The following BFSP2 variants were observed in gnomAD, a reference collection of about 807,000 sequenced individuals.
BFSP2 encodes the protein phakinin.
In BFSP2, 38 loss-of-function variants were observed where a neutral mutation model predicts 44.9. That is an observed-to-expected ratio of 0.85 (90% CI 0.65 to 1.11). The LOEUF is 1.11. Among genes scored for constraint, BFSP2 ranks in the 50% least tolerant of loss-of-function variants. The pLI, the probability that BFSP2 is intolerant of heterozygous loss-of-function variation, is 0.00. For missense variants in BFSP2, 525 were observed against 533.0 expected, an observed-to-expected ratio of 0.99 and a Z score of 0.15; for synonymous variants, 197 against 209.9, an observed-to-expected ratio of 0.94 and a Z score of 0.53.
intron 1 of BFSP2, among the ~76,000 whole-genome samples, chr3:133,425,644 G>A (rs530500391): frequency 1.3e-5 from 2 of 151,974 alleles, no homozygotes; most frequent in East Asian, 2.0e-4. Flanking sequence ...TGCCCAGGTA[G>A]GGCCAAGCAC....
At chr3:133,444,108 A>G (rs1023192475) in intron 1 of BFSP2, among the ~76,000 whole-genome samples, 4 of 151,786 alleles carry the variant, frequency 2.6e-5, no homozygotes, top group Non-Finnish European at 5.9e-5. Flanking sequence ...ATATATGTAT[A>G]TATATACATA....
intron 4 of BFSP2, among the ~76,000 whole-genome samples, chr3:133,455,021 G>C (rs1195337277): frequency 6.6e-6 from 1 of 152,200 alleles, no homozygotes; most frequent in Non-Finnish European, 1.5e-5. Context: ...AAGGTCTTCA[G>C]GGGCAGTGAC....
chr3:133,427,582 C>A (rs1443306806), intron 1 of BFSP2, among the ~76,000 whole-genome samples: 2 of 152,194 alleles, frequency 1.3e-5, no homozygotes, highest in African/African-American at 4.8e-5. Flanking sequence ...GCTCCTCAGC[C>A]AGCTTGGGGT....
rs781313814 is a variant in BFSP2 at position 133,466,911 on chromosome 3, G to A, written c.975G>A (p.Ser325=). The change falls in exon 5 of 7, where the codon TCG becomes TCA. Residue 325 remains serine, a synonymous_variant. Transcript: ENST00000302334. The stretch of plus-strand genomic sequence containing the variant: ...TCAGGGTGGAGTTACACAACACTTC[G>A]TGCCAAGTCCAGAGCCTCCAGGCTG... The part of the protein sequence containing the change: ...AALRVELHNT[S]CQVQSLQAET... 8 of 1,613,936 alleles carry A rather than the reference G, an allele frequency of 5.0e-6. No homozygotes were observed. In the Admixed American group the frequency reaches 6.7e-5, roughly 13 times the overall value.
intron 1 of BFSP2, among the ~76,000 whole-genome samples, chr3:133,406,990 C>T (rs186025600): frequency 7.6e-4 from 116 of 152,322 alleles, no homozygotes; most frequent in Non-Finnish European, 1.1e-3. Context: ...AGAAGGATCA[C>T]TTGAGCCTGG....
chr3:133,474,661 G>A (rs944904598), intron 6 of BFSP2, among the ~76,000 whole-genome samples: 6 of 152,112 alleles, frequency 3.9e-5, no homozygotes, highest in Admixed American at 2.6e-4. Context: ...AAGAATCTAT[G>A]TGCTACGTTC....
At chr3:133,406,568 C>A (rs2073406748) in intron 1 of BFSP2, among the ~76,000 whole-genome samples, 1 of 147,072 alleles carries the variant, frequency 6.8e-6, no homozygotes, top group African/African-American at 2.7e-5. Context: ...TTGCCATCTA[C>A]CAACCGTGTG....
rs1384219506 is a variant in BFSP2, at chr3:133,472,464, G to C, written c.1143G>C (p.Ala381=). The change falls in exon 6 of 7, where the codon GCG becomes GCC. Residue 381 remains alanine, a synonymous_variant. Transcript: ENST00000302334. ...EAELREIRAE[A]EQQQQERAHL... is the part of the protein sequence containing the mutation. ...AGCTCAGGGAAATCCGAGCGGAGGC[G>C]GAGCAGCAGCAACAGGAGCGCGCGC... 12 of 1,613,890 alleles carry C rather than the reference G, an allele frequency of 7.4e-6. No individual in the cohort carries two copies. The African/African-American group carries it at 1.3e-4, about 18-fold the overall frequency.
chr3:133,433,677 C>T (rs1314366274), intron 1 of BFSP2, among the ~76,000 whole-genome samples: 2 of 152,340 alleles, frequency 1.3e-5, no homozygotes, highest in Admixed American at 6.5e-5. Context: ...CACCTCTATA[C>T]ATTCTGATAA....
chr3:133,457,151 C>G (rs1401831843), intron 4 of BFSP2, among the ~76,000 whole-genome samples: 5 of 152,204 alleles, frequency 3.3e-5, no homozygotes, highest in African/African-American at 4.8e-5. Context: ...AAGCAGGACG[C>G]CTGACAGCAT....
intron 1 of BFSP2, among the ~76,000 whole-genome samples, chr3:133,408,836 A>G (rs995082004): frequency 3.9e-5 from 6 of 152,226 alleles, no homozygotes; most frequent in African/African-American, 1.4e-4. Context: ...AAATGGAATA[A>G]AACAAACCAT....
chr3:133,415,949 G>T (rs375333927), intron 1 of BFSP2, among the ~76,000 whole-genome samples: 1 of 78,138 alleles, frequency 1.3e-5, no homozygotes, highest in African/African-American at 5.1e-5. Flanking sequence ...CCCTCTACTC[G>T]CCTGACCTCT....
intron 1 of BFSP2, among the ~76,000 whole-genome samples, chr3:133,419,779 G>A (rs981404287): frequency 2.0e-5 from 3 of 152,216 alleles, no homozygotes; most frequent in Non-Finnish European, 4.4e-5. Context: ...AGCCCTCCTC[G>A]GGATTTCTCA....
At chr3:133,464,848 C>T (rs1355489940) in intron 4 of BFSP2, among the ~76,000 whole-genome samples, 2 of 152,140 alleles carry the variant, frequency 1.3e-5, no homozygotes, top group Non-Finnish European at 2.9e-5. Context: ...GGGACACAAG[C>T]TGTTGGCTAA....
chr3:133,472,488 G>C lies in BFSP2; in HGVS notation c.1167G>C (p.Ala389=), dbSNP rs1363263240. 1.5e-5 allele frequency: 25 copies of C among 1,613,392 alleles called. No homozygotes were observed. The highest frequency in any genetic ancestry group is 2.1e-5 in the Non-Finnish European group (25 of 1,180,014). The part of the protein sequence containing the change: ...AEAEQQQQER[A]HLLARKCQLQ... ...CGGAGCAGCAGCAACAGGAGCGCGC[G>C]CATCTGCTGGCCCGCAAGTGCCAGC... The change falls in exon 6 of 7, where the codon GCG becomes GCC. Residue 389 remains alanine (A), a synonymous_variant. Coordinates refer to ENST00000302334, the MANE Select transcript of BFSP2 (RefSeq NM_003571.4).
chr3:133,457,002 A>G (rs1234796849), intron 4 of BFSP2, among the ~76,000 whole-genome samples: 2 of 152,250 alleles, frequency 1.3e-5, no homozygotes, highest in East Asian at 3.8e-4. Context: ...TGCTTTTACC[A>G]ACAAGAGTCA....
chr3:133,417,800 C>T (rs1047390135), intron 1 of BFSP2, among the ~76,000 whole-genome samples: 1 of 140,030 alleles, frequency 7.1e-6, no homozygotes, highest in African/African-American at 2.7e-5. Flanking sequence ...TAGACCCTAT[C>T]CTCTCCATTT....
intron 1 of BFSP2, among the ~76,000 whole-genome samples, chr3:133,443,484 A>G (rs1206167496): frequency 2.6e-5 from 4 of 152,232 alleles, no homozygotes; most frequent in Admixed American, 1.3e-4. Flanking sequence ...GAGGAAGTCC[A>G]GAGAGAGTGG....
chr3:133,415,000 CCT>C lies in BFSP2; in HGVS notation c.489+14434_489+14435del, dbSNP rs564424451. On this transcript the variant is annotated intron_variant, in intron 1 of 6. Transcript: ENST00000302334. ...CCATCTCTCCTCTACTCACCCTTGT[CCT>C]CTCTCCTCTACTCACCCCCCTACTC... Among the ~76,000 whole-genome samples, 294 of 134,924 alleles carry C rather than the reference CCT, an allele frequency of 2.2e-3. 1 individual carries two copies. The highest frequency in any genetic ancestry group is 3.4e-3 in the Non-Finnish European group (212 of 62,992). 88.5% of individuals were successfully genotyped at this position (134,924 alleles called of 152,430 possible).
Sources: allele counts gnomAD v4.1 joint callset (sites outside exome capture counted in the v4.1 genomes callset), GRCh38; gene constraint gnomAD v4.1.1; transcripts MANE v1.5; gene names NCBI Gene and HGNC (gene_info 2026-07-23, HGNC 2026-07-21).